PAPPA2: variants seen among roughly 807,000 people sequenced by gnomAD.
The protein encoded by PAPPA2 is pappalysin 2.
A neutral mutation model predicts 176.4 loss-of-function variants in PAPPA2; 86 were observed. The observed-to-expected ratio is 0.49, with a 90% CI of 0.41 to 0.58. The LOEUF is 0.58. Ranked by LOEUF, PAPPA2 falls within the 20% of genes least tolerant of loss-of-function variation. PAPPA2 has a pLI of 0.00. For missense variants in PAPPA2, 2,073 were observed against 2,256.9 expected, an observed-to-expected ratio of 0.92 and a Z score of 1.65; for synonymous variants, 809 against 852.2, an observed-to-expected ratio of 0.95 and a Z score of 0.88.
At chr1:176,828,218 T>C (rs1666931912) in intron 21 of PAPPA2, among the ~76,000 whole-genome samples, 1 of 151,912 alleles carries the variant, frequency 6.6e-6, no homozygotes. Context: ...CCAGTTTTTA[T>C]TTTTTTTCAC....
chr1:176,709,888 G>A, intron 10 of PAPPA2, 95 bp from the exon 11 acceptor site: 2 of 1,149,058 alleles, frequency 1.7e-6, no homozygotes, highest in African/African-American at 1.5e-5. Context: ...CTCTTCAGTG[G>A]GCTGGAGAAG....
At chr1:176,740,755 G>A (rs1662642175) in intron 14 of PAPPA2, among the ~76,000 whole-genome samples, 1 of 152,120 alleles carries the variant, frequency 6.6e-6, no homozygotes, top group South Asian at 2.1e-4. Flanking sequence ...GCTATTGGAG[G>A]GATTGTACTC....
chr1:176,549,348 T>C (rs933461520), intron 1 of PAPPA2, among the ~76,000 whole-genome samples: 2 of 152,262 alleles, frequency 1.3e-5, no homozygotes, highest in South Asian at 4.1e-4. Context: ...GTCTCTGGTA[T>C]ATTTATAGGA....
chr1:176,643,672 A>G (rs1283068287), intron 3 of PAPPA2, among the ~76,000 whole-genome samples: 3 of 151,886 alleles, frequency 2.0e-5, no homozygotes, highest in African/African-American at 7.2e-5. Context: ...GGGGAAAGGG[A>G]AATCCAGCTG....
At chr1:176,589,784 C>T (rs1653543479) in intron 2 of PAPPA2, among the ~76,000 whole-genome samples, 1 of 152,192 alleles carries the variant, frequency 6.6e-6, no homozygotes, top group African/African-American at 2.4e-5. Context: ...CTCAATGTTG[C>T]ACAAACTCAA....
At chr1:176,640,647 T>A (rs1199827911) in intron 3 of PAPPA2, among the ~76,000 whole-genome samples, 8 of 151,940 alleles carry the variant, frequency 5.3e-5, no homozygotes, top group Middle Eastern at 3.4e-3. Flanking sequence ...CCGCAATAAA[T>A]ATACGTGTGC....
At position 176,644,509 on chromosome 1, in the gene PAPPA2, G is replaced by T. The variant is rs544128719; in HGVS notation, c.1992-26461G>T. Among the ~76,000 whole-genome samples the T allele has an allele frequency of 1.2e-4, 18 of 151,782 alleles. No individual in the cohort carries two copies. In the South Asian group the frequency reaches 3.7e-3, roughly 31 times the overall value. ...GTTTTCTGCATTGTGATATTCCATT[G>T]TACATATGACAATGGAATTTATTTT... On this transcript the variant is annotated intron_variant, in intron 3 of 22. Transcript: ENST00000367662.
intron 3 of PAPPA2, among the ~76,000 whole-genome samples, chr1:176,617,150 T>A (rs1380240995): frequency 6.6e-6 from 1 of 152,196 alleles, no homozygotes. Context: ...TTCACATGTC[T>A]GAATAGAGGT....
At chr1:176,535,032 G>C (rs905186709) in intron 1 of PAPPA2, among the ~76,000 whole-genome samples, 2 of 152,116 alleles carry the variant, frequency 1.3e-5, no homozygotes, top group African/African-American at 4.8e-5. Flanking sequence ...AGAACCAGAG[G>C]GAGACTGTAG....
chr1:176,484,390 G>A (rs1652556084), intron 1 of PAPPA2, among the ~76,000 whole-genome samples: 1 of 152,156 alleles, frequency 6.6e-6, no homozygotes, highest in African/African-American at 2.4e-5. Context: ...TTTAATGTGT[G>A]ACACTAATTT....
chr1:176,791,371 G>A lies in PAPPA2; in HGVS notation c.4909G>A (p.Gly1637Ser). The A allele has an allele frequency of 6.2e-7, 1 of 1,610,492 alleles. No homozygotes were observed. Among genetic ancestry groups the A allele is most frequent in the Non-Finnish European group, 8.5e-7 (1 of 1,177,164 alleles). Residue 1637 changes from glycine (G) to serine (S), a missense_variant, in exon 19 of 23, where the codon GGC becomes AGC. Physicochemically the swap from Gly to Ser is moderately conservative, Grantham distance 56. Around this residue, in one of 4 missense-constraint regions of PAPPA2, gnomAD observed 846 missense variants for 857.9 expected, o/e 0.99. Coordinates refer to ENST00000367662, the MANE Select transcript of PAPPA2 (RefSeq NM_020318.3). ...GCTTCCCATCCTCTGCACTAAAGAG[G>A]GCCTGTGGACCCAGGAGTTTAAGTT... ...EKLPILCTKE[G>S]LWTQEFKLCE...
intron 1 of PAPPA2, among the ~76,000 whole-genome samples, chr1:176,516,635 A>G (rs574890942): frequency 7.9e-5 from 12 of 152,284 alleles, no homozygotes; most frequent in Admixed American, 6.5e-5. Context: ...ATATGAGGAC[A>G]TAGTGTTTTT....
intron 3 of PAPPA2, among the ~76,000 whole-genome samples, chr1:176,648,033 G>C (rs1558495536): frequency 6.6e-6 from 1 of 151,298 alleles, no homozygotes; most frequent in African/African-American, 2.4e-5. Context: ...GCTTTGTCTA[G>C]TCATTTTAAC....
intron 14 of PAPPA2, among the ~76,000 whole-genome samples, chr1:176,764,382 G>A (rs562899183): frequency 2.6e-5 from 4 of 152,272 alleles, no homozygotes; most frequent in Middle Eastern, 3.4e-3. Context: ...ATGCAGTAGA[G>A]GAATAACAAC....
chr1:176,530,696 C>G (rs1649761447), intron 1 of PAPPA2, among the ~76,000 whole-genome samples: 1 of 152,052 alleles, frequency 6.6e-6, no homozygotes, highest in Non-Finnish European at 1.5e-5. Flanking sequence ...CACCAAATAG[C>G]TCTGTGGTCT....
intron 2 of PAPPA2, among the ~76,000 whole-genome samples, chr1:176,584,401 GT>G (rs71565476): frequency 0.15 from 21,176 of 143,436 alleles, 1,498 homozygotes; most frequent in Middle Eastern, 0.2. Context: ...ATGCATTTTT[GT>G]TTTTTTTTTT....
chr1:176,502,329 A>G (rs546236801), intron 1 of PAPPA2, among the ~76,000 whole-genome samples: 18 of 152,334 alleles, frequency 1.2e-4, no homozygotes, highest in Admixed American at 3.9e-4. Flanking sequence ...ACAAGTAGCT[A>G]TAACATAGCT....
chr1:176,561,053 G>A (rs1331157651), intron 2 of PAPPA2, among the ~76,000 whole-genome samples: 1 of 152,202 alleles, frequency 6.6e-6, no homozygotes, highest in African/African-American at 2.4e-5. Flanking sequence ...GAGGATCCGA[G>A]CATTAGAGTA....
At chr1:176,558,489 G>A (rs1025603741) in intron 2 of PAPPA2, among the ~76,000 whole-genome samples, 4 of 152,170 alleles carry the variant, frequency 2.6e-5, no homozygotes, top group African/African-American at 9.7e-5. Flanking sequence ...CTTTGGCTGT[G>A]ATTTCTCCTT....
Sources: gnomAD v4.1 joint callset for allele counts (sites outside exome capture counted in the v4.1 genomes callset) on GRCh38, gnomAD v4.1.1 for gene constraint, gnomAD v4.1.1 regional missense constraint, MANE v1.5 for transcripts, NCBI Gene and HGNC (gene_info 2026-07-23, HGNC 2026-07-21) for gene names.